Variants in SLC35F4 observed in about 807,000 individuals in gnomAD.
SLC35F4 encodes the protein solute carrier family 35 member F4.
SLC35F4 carries 24 observed loss-of-function variants against 44.2 expected under a neutral mutation model. The observed-to-expected ratio is 0.54, with a 90% CI of 0.39 to 0.76. The LOEUF is 0.76. Among genes scored for constraint, SLC35F4 ranks in the 30% least tolerant of loss-of-function variants. The pLI is 0.00. For synonymous variants in SLC35F4, 238 were observed against 223.6 expected, an observed-to-expected ratio of 1.06 and a Z score of -0.57; for missense variants, 562 against 586.1, an observed-to-expected ratio of 0.96 and a Z score of 0.42.
chr14:57,711,173 C>G (rs2075809598), intron 1 of SLC35F4, among the ~76,000 whole-genome samples: 1 of 152,084 alleles, frequency 6.6e-6, no homozygotes, highest in Non-Finnish European at 1.5e-5. Context: ...AGTGAGTTCT[C>G]ATGAGATGTG....
chr14:57,697,805 A>G (rs986088147), intron 1 of SLC35F4, among the ~76,000 whole-genome samples: 1 of 152,096 alleles, frequency 6.6e-6, no homozygotes, highest in Non-Finnish European at 1.5e-5. Context: ...TCTTTTCACT[A>G]TACTCCTATA....
chr14:57,728,441 C>CTTTTTTTTTTTTTTTT (rs869064667), intron 1 of SLC35F4, among the ~76,000 whole-genome samples: 8 of 59,016 alleles, frequency 1.4e-4, no homozygotes, highest in South Asian at 1.7e-3. Context: ...TTCTTTCTTT[C>CTTTTTTTTTTTTTTTT]TTTTTTTTTT....
At chr14:57,927,426 A>G (rs1243577244) in intron 1 of SLC35F4, among the ~76,000 whole-genome samples, 1 of 151,388 alleles carries the variant, frequency 6.6e-6, no homozygotes, top group Non-Finnish European at 1.5e-5. Flanking sequence ...CTTTGTCTGG[A>G]AAACTTTTGC....
chr14:57,932,754 C>T (rs1376401666), intron 1 of SLC35F4, among the ~76,000 whole-genome samples: 1 of 152,038 alleles, frequency 6.6e-6, no homozygotes, highest in Non-Finnish European at 1.5e-5. Context: ...GAGGCTGAGA[C>T]AGGAAAATTG....
chr14:57,785,648 C>T (rs2140771063), intron 1 of SLC35F4, among the ~76,000 whole-genome samples: 1 of 152,286 alleles, frequency 6.6e-6, no homozygotes, highest in Non-Finnish European at 1.5e-5. Context: ...AATGCACACC[C>T]CTACTGGAGA....
chr14:57,889,086 G>A lies in SLC35F4; in HGVS notation n.282+92827C>T, dbSNP rs965232624. ...ATCACTCTGGGTTTTTTTCTGCATT[G>A]AATGTCAAACTAGACCAAACTGAAG... is the stretch of plus-strand genomic sequence containing the variant. On this transcript the variant is annotated intron_variant and non_coding_transcript_variant, in intron 1 of 1. Transcript: ENST00000556568. 3.9e-5 allele frequency among the ~76,000 whole-genome samples: 6 copies of A among 152,056 alleles called. No homozygotes were observed. In the South Asian group the frequency reaches 1.0e-3, roughly 26 times the overall value.
chr14:57,802,763 A>G (rs1226093374), intron 1 of SLC35F4, among the ~76,000 whole-genome samples: 1 of 152,160 alleles, frequency 6.6e-6, no homozygotes, highest in Non-Finnish European at 1.5e-5. Flanking sequence ...AGACTGAACC[A>G]GGAAGAAATT....
chr14:57,784,810 G>A (rs560988963), intron 1 of SLC35F4, among the ~76,000 whole-genome samples: 1 of 152,220 alleles, frequency 6.6e-6, no homozygotes, highest in African/African-American at 2.4e-5. Flanking sequence ...TGCCACCCAT[G>A]AGACAGCAAT....
chr14:57,659,872 G>C (rs986947823), intron 1 of SLC35F4, among the ~76,000 whole-genome samples: 1 of 152,174 alleles, frequency 6.6e-6, no homozygotes, highest in African/African-American at 2.4e-5. Context: ...TTTTATGACA[G>C]AGCAGATCTG....
intron 1 of SLC35F4, among the ~76,000 whole-genome samples, chr14:57,608,215 C>G (rs965016246): frequency 1.3e-5 from 2 of 152,142 alleles, no homozygotes; most frequent in Non-Finnish European, 2.9e-5. Context: ...ACTCTCCCTC[C>G]CCTCCGTCAA....
At chr14:57,575,432 G>A (rs1005462144) in intron 4 of SLC35F4, among the ~76,000 whole-genome samples, 2 of 152,106 alleles carry the variant, frequency 1.3e-5, no homozygotes, top group Non-Finnish European at 2.9e-5. Flanking sequence ...AGTGAGCTGA[G>A]ATCACATCAC....
intron 1 of SLC35F4, 117 bp downstream of exon 1, chr14:57,865,606 G>T (rs1366181940): frequency 5.2e-6 from 4 of 762,630 alleles, no homozygotes; most frequent in Non-Finnish European, 7.8e-6. Flanking sequence ...GGTGTTGACA[G>T]CGTCCGCAGG....
chr14:57,704,604 T>G (rs2075624846), intron 1 of SLC35F4, among the ~76,000 whole-genome samples: 1 of 152,044 alleles, frequency 6.6e-6, no homozygotes, highest in South Asian at 2.1e-4. Context: ...CTGGCCCCTG[T>G]TGCGGGAGAC....
intron 2 of SLC35F4, among the ~76,000 whole-genome samples, chr14:57,592,943 T>C (rs1420874782): frequency 6.6e-6 from 1 of 152,146 alleles, no homozygotes; most frequent in African/African-American, 2.4e-5. Context: ...GATTTTAGTA[T>C]GTTGCCAGCC....
chr14:57,843,093 G>T (rs1368281789), intron 1 of SLC35F4, among the ~76,000 whole-genome samples: 4 of 152,164 alleles, frequency 2.6e-5, no homozygotes, highest in Non-Finnish European at 4.4e-5. Flanking sequence ...TGAAGGCATT[G>T]TCGGCTTCCC....
intron 1 of SLC35F4, among the ~76,000 whole-genome samples, chr14:57,865,259 G>A (rs1365855542): frequency 6.6e-6 from 1 of 152,132 alleles, no homozygotes; most frequent in Non-Finnish European, 1.5e-5. Context: ...ACCCACGTCT[G>A]GGTCGGCCGC....
At chr14:57,595,104 C>T (rs2139935523) in intron 1 of SLC35F4, among the ~76,000 whole-genome samples, 1 of 152,320 alleles carries the variant, frequency 6.6e-6, no homozygotes, top group Non-Finnish European at 1.5e-5. Flanking sequence ...GGACCCTATT[C>T]AGGATACCAC....
intron 1 of SLC35F4, among the ~76,000 whole-genome samples, chr14:57,789,737 A>G (rs2077865783): frequency 6.6e-6 from 1 of 152,230 alleles, no homozygotes; most frequent in Admixed American, 6.5e-5. Context: ...ATCAATGTGA[A>G]AATTCTCAAT....
chr14:57,974,851 A>T (rs900907822), downstream of SLC35F4, among the ~76,000 whole-genome samples: 13 of 152,224 alleles, frequency 8.5e-5, no homozygotes, highest in Non-Finnish European at 7.3e-5. Context: ...ACCTTATAAG[A>T]ATTCATTATC....
Sources: allele counts gnomAD v4.1 joint callset (sites outside exome capture counted in the v4.1 genomes callset), GRCh38; gene constraint gnomAD v4.1.1; transcripts MANE v1.5; gene names NCBI Gene and HGNC (gene_info 2026-07-23, HGNC 2026-07-21).